The following TMEM170A variants were observed in gnomAD, a reference collection of about 807,000 sequenced individuals.
The protein encoded by TMEM170A is transmembrane protein 170A, also known as transmembrane protein 170.
In TMEM170A, 18 loss-of-function variants were observed where a neutral mutation model predicts 12.8. The observed-to-expected ratio is 1.41, with a 90% CI of 0.97 to 2.09. The LOEUF is 2.09. TMEM170A is among the 30% of genes most tolerant of loss of function. TMEM170A has a pLI of 0.00. For missense variants in TMEM170A, 220 were observed against 179.9 expected (o/e 1.22, Z -1.28); for synonymous variants, 107 against 76.2 (o/e 1.40, Z -2.11).
chr16:75,450,254 C>A (rs1466186112), intron 2 of TMEM170A, among the ~76,000 whole-genome samples: 1 of 149,622 alleles, frequency 6.7e-6, no homozygotes, highest in Non-Finnish European at 1.5e-5. Flanking sequence ...GGTTTCAATT[C>A]ACAGTGAAAA....
At chr16:75,457,270 C>A (rs1214418129) in intron 1 of TMEM170A, among the ~76,000 whole-genome samples, 1 of 152,178 alleles carries the variant, frequency 6.6e-6, no homozygotes, top group Non-Finnish European at 1.5e-5. Context: ...GGAGGCAAAG[C>A]CTTAATATCC....
At chr16:75,455,423 T>C (rs2079775029) in intron 1 of TMEM170A, among the ~76,000 whole-genome samples, 1 of 151,248 alleles carries the variant, frequency 6.6e-6, no homozygotes. Context: ...AGCCACATTG[T>C]GAAGTAACAA....
Position 75,464,086 on chromosome 16 carries a change from G to C in TMEM170A, c.133+382C>G. 12 of 867,938 alleles carry C rather than the reference G, an allele frequency of 1.4e-5. No individual in the cohort carries two copies. In the South Asian group the frequency reaches 1.9e-4, roughly 14 times the overall value. The allele number at this position is 867,938 out of a possible 1,614,324, so 53.8% of individuals were successfully genotyped here. On this transcript the variant is annotated intron_variant, in intron 1 of 2. Coordinates refer to ENST00000561878, the MANE Select transcript of TMEM170A (RefSeq NM_145254.3). Reference sequence around the variant, plus strand: ...GGCCGCTCCGAGACCCCTCGAAGGAGGCCGGGCGCCGTGGGGCAACCCAGG... The same window carrying C: ...GGCCGCTCCGAGACCCCTCGAAGGACGCCGGGCGCCGTGGGGCAACCCAGG...
chr16:75,450,910 C>A (rs573425245), intron 2 of TMEM170A, among the ~76,000 whole-genome samples: 3 of 152,142 alleles, frequency 2.0e-5, no homozygotes, highest in Admixed American at 6.5e-5. Context: ...AAGCCTCCCA[C>A]CTCTGCCTCC....
rs1175112268 is a variant in TMEM170A at position 75,443,971 on chromosome 16, C to T, written c.*3587G>A. ...GGGCCTTGTGGCGGGTGCCAGTAAT[C>T]CTAGCTACTCAGCGGCCAAGGCAGG... On this transcript the variant is annotated 3_prime_UTR_variant, in exon 3 of 3. Coordinates refer to ENST00000561878, the MANE Select transcript of TMEM170A (RefSeq NM_145254.3). The T allele has an allele frequency of 4.0e-5, 6 of 151,888 alleles. No homozygotes were observed. The highest frequency in any genetic ancestry group is 3.9e-4 in the Admixed American group (6 of 15,232). The allele number at this position is 151,888 out of a possible 1,614,324, so 9.4% of individuals were successfully genotyped here. A position where few individuals can be genotyped will look rare whatever the true frequency, so the allele number is the denominator to read the frequency against.
intron 1 of TMEM170A, among the ~76,000 whole-genome samples, chr16:75,463,348 GCC>G (rs556361840): frequency 0.037 from 5,574 of 151,950 alleles, 156 homozygotes; most frequent in Non-Finnish European, 0.055. Context: ...AACGTGAGCT[GCC>G]AGATTCTCAT....
intron 1 of TMEM170A, among the ~76,000 whole-genome samples, chr16:75,453,560 C>T (rs898269887): frequency 3.9e-5 from 6 of 152,204 alleles, no homozygotes; most frequent in Admixed American, 3.9e-4. Flanking sequence ...CTTTTGATCA[C>T]TCAGTCTTCT....
At chr16:75,464,093 C>A in intron 1 of TMEM170A, 2 of 928,730 alleles carry the variant, frequency 2.2e-6, no homozygotes, top group Non-Finnish European at 3.2e-6. Context: ...GGAGGCCGGG[C>A]GCCGTGGGGC....
Position 75,452,126 on chromosome 16 carries a change from C to T in TMEM170A, c.134-287G>A, listed in dbSNP as rs111964376. On this transcript the variant is annotated intron_variant, in intron 1 of 2. Transcript: ENST00000561878. ...AGCTGGGACTACAGGCACCCGCCAC[C>T]GCGCCTGGCTAATTTTTTGTATTTT... is the stretch of plus-strand genomic sequence containing the variant. Among the ~76,000 whole-genome samples the T allele has an allele frequency of 6.9e-3, 1,056 of 152,218 alleles. 11 individuals are homozygous for T. Among genetic ancestry groups the T allele is most frequent in the Middle Eastern group, 0.017 (5 of 294 alleles).
chr16:75,454,299 G>A (rs1054812434), intron 1 of TMEM170A, among the ~76,000 whole-genome samples: 3 of 152,114 alleles, frequency 2.0e-5, no homozygotes, highest in Admixed American at 6.5e-5. Context: ...AAAACCACGG[G>A]CTTTACCAAA....
Position 75,451,853 on chromosome 16 carries a change from C to T in TMEM170A, c.134-14G>A. The T allele has an allele frequency of 6.3e-7, 1 of 1,598,732 alleles. No individual in the cohort carries two copies. The highest frequency in any genetic ancestry group is 8.5e-7 in the Non-Finnish European group (1 of 1,171,558). Reference sequence around the variant, plus strand: ...CATACCACATCTCTATGAGGGAAGACAAAGAAAAGTTGTGAATCACTGCCC... The same window carrying T: ...CATACCACATCTCTATGAGGGAAGATAAAGAAAAGTTGTGAATCACTGCCC... On this transcript the variant is annotated splice_polypyrimidine_tract_variant and intron_variant, in intron 1 of 2. Coordinates refer to ENST00000561878, the MANE Select transcript of TMEM170A (RefSeq NM_145254.3).
chr16:75,462,234 TG>T (rs1319726296), intron 1 of TMEM170A, among the ~76,000 whole-genome samples: 1 of 152,260 alleles, frequency 6.6e-6, no homozygotes, highest in Non-Finnish European at 1.5e-5. Context: ...TCTCTTTTTT[TG>T]TTGAGACAAA....
intron 1 of TMEM170A, 127 bp downstream of exon 1, chr16:75,464,341 T>C: frequency 1.5e-6 from 2 of 1,370,300 alleles, no homozygotes; most frequent in Non-Finnish European, 1.9e-6. Context: ...ACGGCCCCCC[T>C]CCCGGAGGAC....
Position 75,464,512 on chromosome 16 carries a change from T to C in TMEM170A, c.89A>G (p.Asn30Ser), listed in dbSNP as rs778917383. The change falls in exon 1 of 3, where the codon AAC becomes AGC. Residue 30 changes from asparagine to serine, a missense_variant. Physicochemically the swap from Asn to Ser is conservative, Grantham distance 46 (BLOSUM62 1). Transcript: ENST00000561878. ...AGTAGAGTTGGGGCACAGGGTCCCG[T>C]TGCCCACCCGCGGCACAACCTTCAG... ...LSLKVVPRVG[N>S]GTLCPNSTSL... 1 of 1,585,526 alleles carries C rather than the reference T, an allele frequency of 6.3e-7. No homozygotes were observed. Among genetic ancestry groups the C allele is most frequent in the Admixed American group, 1.8e-5 (1 of 56,572 alleles).
At chr16:75,450,298 A>G (rs2079660121) in intron 2 of TMEM170A, among the ~76,000 whole-genome samples, 1 of 152,066 alleles carries the variant, frequency 6.6e-6, no homozygotes, top group African/African-American at 2.4e-5. Context: ...TTACATTTCT[A>G]TATTATAAAA....
intron 1 of TMEM170A, among the ~76,000 whole-genome samples, chr16:75,462,706 G>C (rs1007796312): frequency 1.3e-5 from 2 of 152,138 alleles, no homozygotes; most frequent in Admixed American, 1.3e-4. Context: ...GGAAGTAACT[G>C]TTTTAGCTAA....
chr16:75,463,438 G>A (rs1433778085), intron 1 of TMEM170A, among the ~76,000 whole-genome samples: 2 of 152,008 alleles, frequency 1.3e-5, no homozygotes, highest in African/African-American at 4.8e-5. Flanking sequence ...TCACAATCCC[G>A]TCCGGGAAAA....
chr16:75,464,619 A>C lies in TMEM170A; in HGVS notation c.-19T>G. ...GCTCCATCCCGTCGCCATTCACCAC[A>C]GAGAAATGAGGGACGAGCGCCCGAA... On this transcript the variant is annotated 5_prime_UTR_variant, in exon 1 of 3. Coordinates refer to ENST00000561878, the MANE Select transcript of TMEM170A (RefSeq NM_145254.3). 5.7e-6 allele frequency: 9 copies of C among 1,570,624 alleles called. No homozygotes were observed. The Admixed American group carries it at 9.5e-5, about 17-fold the overall frequency.
intron 2 of TMEM170A, among the ~76,000 whole-genome samples, chr16:75,451,124 C>T (rs1026056621): frequency 1.2e-4 from 18 of 152,246 alleles, no homozygotes; most frequent in Non-Finnish European, 2.4e-4. Context: ...TGCTGGTGGC[C>T]TCTCTCACGA....
Sources: allele counts gnomAD v4.1 joint callset (sites outside exome capture counted in the v4.1 genomes callset), GRCh38; gene constraint gnomAD v4.1.1; transcripts MANE v1.5; gene names NCBI Gene and HGNC (gene_info 2026-07-23, HGNC 2026-07-21).